Variants in DLG2 observed in about 807,000 individuals in gnomAD.
DLG2 encodes discs large MAGUK scaffold protein 2.
A neutral mutation model predicts 132.5 loss-of-function variants in DLG2; 45 were observed. That is an observed-to-expected ratio of 0.34 (90% CI 0.27 to 0.44). DLG2 has a LOEUF of 0.44. Among genes scored for constraint, DLG2 ranks in the 20% least tolerant of loss-of-function variants. The pLI is 1.00. For missense variants in DLG2, 1,045 were observed against 1,196.9 expected (o/e 0.87, Z 1.87); for synonymous variants, 424 against 419.6 (o/e 1.01, Z -0.13).
intron 16 of DLG2, among the ~76,000 whole-genome samples, chr11:83,853,832 G>C (rs7127637): frequency 0.46 from 69,828 of 151,930 alleles, 16,668 homozygotes; most frequent in Middle Eastern, 0.57. Flanking sequence ...AGGCAAGAAT[G>C]TTCCCTTTCA....
intron 7 of DLG2, among the ~76,000 whole-genome samples, chr11:84,455,524 TAA>T (rs1407426367): frequency 6.6e-6 from 1 of 151,236 alleles, no homozygotes; most frequent in Non-Finnish European, 1.5e-5. Flanking sequence ...CAAACTATTC[TAA>T]GAGACCCTGG....
chr11:85,228,004 T>C (rs558741619), intron 4 of DLG2, among the ~76,000 whole-genome samples: 68 of 152,240 alleles, frequency 4.5e-4, no homozygotes, highest in African/African-American at 1.5e-3. Flanking sequence ...AAATTACATC[T>C]TGGATATGCT....
At chr11:85,025,280 T>G (rs1182763956) in intron 6 of DLG2, among the ~76,000 whole-genome samples, 2 of 152,190 alleles carry the variant, frequency 1.3e-5, no homozygotes, top group Non-Finnish European at 2.9e-5. Flanking sequence ...TTTCCTCATA[T>G]TGATGCTTCA....
intron 4 of DLG2, among the ~76,000 whole-genome samples, chr11:85,240,003 A>T (rs1437995696): frequency 1.3e-5 from 2 of 151,918 alleles, no homozygotes; most frequent in Non-Finnish European, 2.9e-5. Flanking sequence ...TGTTAAACTC[A>T]TAGTTCCATC....
At chr11:85,470,704 G>A (rs1022312030) in intron 3 of DLG2, among the ~76,000 whole-genome samples, 37 of 152,136 alleles carry the variant, frequency 2.4e-4, no homozygotes, top group African/African-American at 8.4e-4. Flanking sequence ...CTCCAGCCTG[G>A]GTGACAGAGT....
intron 6 of DLG2, among the ~76,000 whole-genome samples, chr11:84,558,508 A>T (rs543330683): frequency 3.3e-5 from 5 of 152,294 alleles, no homozygotes; most frequent in African/African-American, 1.2e-4. Flanking sequence ...TAAACCAATC[A>T]GGGCTCTGCT....
intron 11 of DLG2, among the ~76,000 whole-genome samples, chr11:84,021,328 A>G (rs2095385495): frequency 1.3e-5 from 2 of 151,248 alleles, no homozygotes; most frequent in South Asian, 2.1e-4. Context: ...AACCTGTACT[A>G]TTTCAACTTC....
At chr11:85,396,537 T>A (rs2087390305) in intron 3 of DLG2, among the ~76,000 whole-genome samples, 1 of 151,896 alleles carries the variant, frequency 6.6e-6, no homozygotes, top group Non-Finnish European at 1.5e-5. Flanking sequence ...TGAAAAAAGG[T>A]TAGACGATTG....
intron 3 of DLG2, among the ~76,000 whole-genome samples, chr11:85,514,238 C>T (rs1413589960): frequency 6.6e-6 from 1 of 151,918 alleles, no homozygotes; most frequent in South Asian, 2.1e-4. Flanking sequence ...ACTAGTATCC[C>T]TGTTAACAAA....
chr11:85,207,508 C>T (rs905496460), intron 4 of DLG2, among the ~76,000 whole-genome samples: 1 of 152,098 alleles, frequency 6.6e-6, no homozygotes, highest in African/African-American at 2.4e-5. Context: ...CTGACCTTCC[C>T]ATTATTTTGT....
intron 6 of DLG2, among the ~76,000 whole-genome samples, chr11:84,812,078 A>T (rs1024572861): frequency 1.3e-5 from 2 of 152,174 alleles, no homozygotes. Flanking sequence ...ATATAGATAA[A>T]AGCGTTTCAG....
chr11:84,143,154 A>G (rs1225960510), intron 9 of DLG2, among the ~76,000 whole-genome samples: 1 of 148,212 alleles, frequency 6.7e-6, no homozygotes, highest in Non-Finnish European at 1.5e-5. Context: ...ATATAAGGCG[A>G]ATAAAATATG....
intron 24 of DLG2, among the ~76,000 whole-genome samples, chr11:83,469,655 C>A (rs915871398): frequency 6.6e-6 from 1 of 152,146 alleles, no homozygotes; most frequent in Non-Finnish European, 1.5e-5. Context: ...CCCCACCTCT[C>A]TACCTAGAGG....
intron 6 of DLG2, among the ~76,000 whole-genome samples, chr11:84,853,476 C>T (rs1053293004): frequency 6.6e-6 from 1 of 151,956 alleles, no homozygotes; most frequent in Non-Finnish European, 1.5e-5. Context: ...ACTTACCAAA[C>T]TTCTCTCAAA....
At chr11:84,502,061 TTTC>T (rs1187903300) in intron 7 of DLG2, among the ~76,000 whole-genome samples, 2 of 151,808 alleles carry the variant, frequency 1.3e-5, no homozygotes, top group African/African-American at 4.8e-5. Flanking sequence ...CTTTTCTTTT[TTTC>T]TTTTCTTTTT....
intron 9 of DLG2, among the ~76,000 whole-genome samples, chr11:84,118,003 G>T (rs573702022): frequency 6.6e-6 from 1 of 151,754 alleles, no homozygotes; most frequent in Non-Finnish European, 1.5e-5. Context: ...CTACAGGCAC[G>T]TGCCACCACC....
At chr11:84,688,919 T>C (rs2057686040) in intron 6 of DLG2, among the ~76,000 whole-genome samples, 1 of 152,174 alleles carries the variant, frequency 6.6e-6, no homozygotes, top group African/African-American at 2.4e-5. Flanking sequence ...CTTCTGCATA[T>C]ACTTAGTTAG....
intron 6 of DLG2, among the ~76,000 whole-genome samples, chr11:84,732,810 G>A (rs1464701098): frequency 2.8e-5 from 4 of 144,676 alleles, no homozygotes. Flanking sequence ...CCCACAACAG[G>A]CCCCGGTGTG....
chr11:83,710,095 C>G (rs1244885119), intron 18 of DLG2, among the ~76,000 whole-genome samples: 1 of 151,918 alleles, frequency 6.6e-6, no homozygotes, highest in Non-Finnish European at 1.5e-5. Flanking sequence ...GGTGGGTACA[C>G]TGTCCTGAAC....
Sources: allele counts gnomAD v4.1 joint callset (sites outside exome capture counted in the v4.1 genomes callset), GRCh38; gene constraint gnomAD v4.1.1; transcripts MANE v1.5; gene names NCBI Gene and HGNC (gene_info 2026-07-23, HGNC 2026-07-21).